MYO1F: variants seen among roughly 807,000 people sequenced by gnomAD.
The protein encoded by MYO1F is myosin IF.
Under a neutral mutation model 146.6 loss-of-function variants are expected in MYO1F, and 60 were observed. The observed-to-expected ratio is 0.41, with a 90% CI of 0.33 to 0.51. MYO1F has a LOEUF of 0.51. MYO1F is among the 20% of genes least tolerant of loss of function. The probability of loss-of-function intolerance (pLI) is 0.25; values close to 1 mark genes in which losing one functional copy is unlikely to be tolerated. For synonymous variants in MYO1F, 602 were observed against 602.1 expected (o/e 1.00, Z 0.00); for missense variants, 1,274 against 1,534.3 (o/e 0.83, Z 2.83).
rs751748703 is a variant in MYO1F at position 8,544,329 on chromosome 19, C to T, written c.1492G>A (p.Ala498Thr). The change falls in exon 14 of 28, where the codon GCC becomes ACC. Residue 498 changes from alanine (A) to threonine (T), a missense_variant. Transcript: ENST00000644032. ...GTHEHFNSWS[A>T]GFVIHHYAGK... ...GCGTAGTGGTGGATGACGAAGCCGGCGCTCCAGCTGTTGAAATGCTCGTGG... is the reference window on the plus strand; with the variant it reads ...GCGTAGTGGTGGATGACGAAGCCGGTGCTCCAGCTGTTGAAATGCTCGTGG... 4.3e-6 allele frequency: 7 copies of T among 1,613,004 alleles called. No homozygotes were observed. The highest frequency in any genetic ancestry group is 3.3e-5 in the Admixed American group (2 of 59,978).
intron 6 of MYO1F, among the ~76,000 whole-genome samples, 175 bp from the exon 7 acceptor site, chr19:8,552,339 A>G (rs1487041592): frequency 2.6e-5 from 4 of 151,914 alleles, no homozygotes; most frequent in Non-Finnish European, 5.9e-5. Context: ...GCTCACTGCA[A>G]CGTCCACCTC....
At chr19:8,532,949 C>A (rs572162318) in intron 19 of MYO1F, among the ~76,000 whole-genome samples, 95 of 139,384 alleles carry the variant, frequency 6.8e-4, no homozygotes, top group African/African-American at 2.3e-3. Context: ...CACACACACA[C>A]AATTGGGCTT....
rs992594180 is a variant in MYO1F at position 8,526,550 on chromosome 19, G to A, written c.2673C>T (p.Ser891=). 6.9e-6 allele frequency: 11 copies of A among 1,596,120 alleles called. No homozygotes were observed. Among genetic ancestry groups the A allele is most frequent in the Non-Finnish European group, 8.5e-6 (10 of 1,173,724 alleles). Residue 891 remains serine (S), a synonymous_variant, in exon 24 of 28, where the codon AGC becomes AGT. Transcript: ENST00000644032. ...CGCCGAAGCCGCGGGAGAAGGTGACGCTGCGGGTGCCGCCACCGCCCCAGC... is the reference window on the plus strand; with the variant it reads ...CGCCGAAGCCGCGGGAGAAGGTGACACTGCGGGTGCCGCCACCGCCCCAGC... ...KEGWGGGGTR[S]VTFSRGFGDL...
At chr19:8,529,371 A>G (rs1345665109) in intron 21 of MYO1F, among the ~76,000 whole-genome samples, 1 of 152,148 alleles carries the variant, frequency 6.6e-6, no homozygotes, top group Non-Finnish European at 1.5e-5. Flanking sequence ...ACCTGTGGAC[A>G]GGAGAGTCCA....
intron 24 of MYO1F, among the ~76,000 whole-genome samples, chr19:8,525,926 T>G (rs1972247992): frequency 6.6e-6 from 1 of 152,146 alleles, no homozygotes; most frequent in South Asian, 2.1e-4. Context: ...TGTTGCCCTC[T>G]CTGGTCCAGC....
At chr19:8,526,629 C>T in intron 23 of MYO1F, 28 bp from the exon 24 acceptor site, 2 of 1,572,628 alleles carry the variant, frequency 1.3e-6, no homozygotes, top group South Asian at 1.2e-5. Flanking sequence ...AGCTTGGGGG[C>T]GCTGGCTGAG....
chr19:8,541,342 A>G (rs1434064075), intron 15 of MYO1F, among the ~76,000 whole-genome samples: 1 of 151,472 alleles, frequency 6.6e-6, no homozygotes, highest in Admixed American at 6.6e-5. Context: ...TGGTCTAAGA[A>G]CCACATGTCA....
chr19:8,574,605 CTT>C (rs782388421), intron 1 of MYO1F, among the ~76,000 whole-genome samples: 6 of 59,508 alleles, frequency 1.0e-4, no homozygotes, highest in African/African-American at 3.1e-4. Flanking sequence ...CTCTTTCTTT[CTT>C]TCTTTCTTTC....
intron 11 of MYO1F, 34 bp from the exon 12 acceptor site, chr19:8,548,156 G>T: frequency 6.2e-7 from 1 of 1,613,278 alleles, no homozygotes; most frequent in Non-Finnish European, 8.5e-7. Flanking sequence ...TTCCCTCAAT[G>T]TCCTGGTGCT....
At chr19:8,566,490 T>A (rs532749700) in intron 1 of MYO1F, among the ~76,000 whole-genome samples, 75 of 147,966 alleles carry the variant, frequency 5.1e-4, no homozygotes, top group South Asian at 3.0e-3. Flanking sequence ...TTAAAAAAAA[T>A]TTTATTTTTA....
At chr19:8,543,951 G>GTGGTGC (rs1973188970) in intron 14 of MYO1F, 5 of 221,186 alleles carry the variant, frequency 2.3e-5, no homozygotes, top group Non-Finnish European at 4.1e-5. Context: ...GGTGGTGCTG[G>GTGGTGC]TGGTGGTGGT....
Position 8,553,892 on chromosome 19 carries a change from A to ACTCTCTCTCTCTCTCT in MYO1F, c.327-456_327-455insAGAGAGAGAGAGAGAG, listed in dbSNP as rs569819927. Among the ~76,000 whole-genome samples, 984 of 105,058 alleles carry ACTCTCTCTCTCTCTCT rather than the reference A, an allele frequency of 9.4e-3. 20 individuals are homozygous for ACTCTCTCTCTCTCTCT. Among genetic ancestry groups the ACTCTCTCTCTCTCTCT allele is most frequent in the Admixed American group, 0.014 (134 of 9,370 alleles). 68.9% of individuals were successfully genotyped at this position (105,058 alleles called of 152,430 possible). On this transcript the variant is annotated intron_variant, in intron 4 of 27. Transcript: ENST00000644032. ...GTCACACACACACACACACACACAC[A>ACTCTCTCTCTCTCTCT]CACTCTCTCTCTCTCTCTCTCTCTC...
intron 27 of MYO1F, 33 bp downstream of exon 27, chr19:8,522,344 C>T (rs769166922): frequency 8.7e-6 from 14 of 1,613,360 alleles, no homozygotes; most frequent in Non-Finnish European, 1.2e-5. Flanking sequence ...CTTACCACTC[C>T]CCTCACCCCA....
rs1197975965 is a variant in MYO1F at position 8,574,565 on chromosome 19, T to C, written c.3+2742A>G. Among the ~76,000 whole-genome samples the C allele has an allele frequency of 1.3e-3, 109 of 86,170 alleles. 2 individuals carry two copies. The highest frequency in any genetic ancestry group is 5.8e-3 in the African/African-American group (99 of 17,162). The allele number at this position is 86,170 out of a possible 152,430, so 56.5% of individuals were successfully genotyped here. On this transcript the variant is annotated intron_variant, in intron 1 of 27. Coordinates refer to ENST00000644032, the MANE Select transcript of MYO1F (RefSeq NM_012335.4). ...TTTCTTTCTTTCTTTCTTTCTTTCT[T>C]TCTTTCTTTCTTTCTCTCTCTCTCT...
At chr19:8,553,057 G>C (rs912604467) in intron 6 of MYO1F, 82 bp downstream of exon 6, 1 of 1,289,388 alleles carries the variant, frequency 7.8e-7, no homozygotes, top group East Asian at 2.3e-5. Flanking sequence ...TTGGCAATAC[G>C]GGTGTGTGTA....
chr19:8,560,126 G>A (rs2064482118), intron 1 of MYO1F, among the ~76,000 whole-genome samples: 1 of 151,914 alleles, frequency 6.6e-6, no homozygotes, highest in Non-Finnish European at 1.5e-5. Context: ...AAGGACACGG[G>A]ACTAAAGATA....
chr19:8,571,711 C>T (rs1413335216), intron 1 of MYO1F, among the ~76,000 whole-genome samples: 1 of 152,170 alleles, frequency 6.6e-6, no homozygotes, highest in African/African-American at 2.4e-5. Context: ...CATTCTTCTG[C>T]CTCAGCCTCC....
intron 19 of MYO1F, among the ~76,000 whole-genome samples, chr19:8,531,379 C>T (rs531390286): frequency 2.0e-5 from 3 of 152,226 alleles, no homozygotes; most frequent in South Asian, 2.1e-4. Context: ...GACAGGGTCT[C>T]GCTCCGTCGC....
chr19:8,535,874 G>A (rs1432880972), intron 19 of MYO1F, among the ~76,000 whole-genome samples: 2 of 151,692 alleles, frequency 1.3e-5, no homozygotes, highest in South Asian at 2.1e-4. Context: ...GTAGAGACGC[G>A]GTTTCACTGT....
Sources: allele counts gnomAD v4.1 joint callset (sites outside exome capture counted in the v4.1 genomes callset), GRCh38; gene constraint gnomAD v4.1.1; transcripts MANE v1.5; gene names NCBI Gene and HGNC (gene_info 2026-07-23, HGNC 2026-07-21).